The following APPBP2 variants were observed in gnomAD, a reference collection of about 807,000 sequenced individuals.
The protein encoded by APPBP2 is amyloid protein-binding protein 2.
In APPBP2, 15 loss-of-function variants were observed where a neutral mutation model predicts 76.0. The ratio of observed to expected loss-of-function variants is 0.20; its 90% CI spans 0.13 to 0.30. The LOEUF is 0.30. APPBP2 is among the 10% of genes least tolerant of loss of function. The pLI, the probability that APPBP2 is intolerant of heterozygous loss-of-function variation, is 1.00. For synonymous variants in APPBP2, 222 were observed against 242.2 expected (o/e 0.92, Z 0.77); for missense variants, 401 against 687.2 (o/e 0.58, Z 4.66).
chr17:60,456,255 C>T (rs769515457), intron 10 of APPBP2, 41 bp downstream of exon 10: 1 of 1,278,578 alleles, frequency 7.8e-7, no homozygotes, highest in East Asian at 2.3e-5. Flanking sequence ...TACCATATAT[C>T]ATCTATTTTA....
rs957890577 is a variant in APPBP2 at position 60,503,819 on chromosome 17, T to C, written c.139-3332A>G. ...ATTATTCATTTTATCCTTTTACAGATGAGGAAACTGAGTCATATACAGTTA... is the reference window on the plus strand; with the variant it reads ...ATTATTCATTTTATCCTTTTACAGACGAGGAAACTGAGTCATATACAGTTA... On this transcript the variant is annotated intron_variant, in intron 1 of 12. Transcript: ENST00000083182. Among the ~76,000 whole-genome samples the C allele has an allele frequency of 1.3e-5, 2 of 148,278 alleles. 1 individual carries two copies. Among genetic ancestry groups the C allele is most frequent in the African/African-American group, 5.3e-5 (2 of 37,630 alleles).
chr17:60,491,378 G>A (rs1315443095), intron 3 of APPBP2, among the ~76,000 whole-genome samples: 1 of 152,078 alleles, frequency 6.6e-6, no homozygotes, highest in African/African-American at 2.4e-5. Flanking sequence ...CATTTAAGAG[G>A]TGACTGGAGT....
chr17:60,458,457 C>T (rs987574893), intron 9 of APPBP2, among the ~76,000 whole-genome samples: 1 of 150,516 alleles, frequency 6.6e-6, no homozygotes, highest in East Asian at 1.9e-4. Context: ...AAAACAAAAA[C>T]AAAAAAACTT....
intron 1 of APPBP2, among the ~76,000 whole-genome samples, chr17:60,507,168 A>T (rs934349407): frequency 4.6e-5 from 7 of 152,154 alleles, no homozygotes; most frequent in African/African-American, 1.7e-4. Flanking sequence ...CCAAGTAGCA[A>T]AACAGTACCC....
Position 60,479,144 on chromosome 17 carries a change from T to A in APPBP2, c.503+4A>T, listed in dbSNP as rs760464406. ...ACGTAATTACAGGATATGTTCCAACTTACCTCACACAACATTCTACTGCAC... is the reference window on the plus strand; with the variant it reads ...ACGTAATTACAGGATATGTTCCAACATACCTCACACAACATTCTACTGCAC... On this transcript the variant is annotated splice_donor_region_variant and intron_variant, in intron 4 of 12. Coordinates refer to ENST00000083182, the MANE Select transcript of APPBP2 (RefSeq NM_006380.5). 6.2e-7 allele frequency: 1 copy of A among 1,610,020 alleles called. No homozygotes were observed. Among genetic ancestry groups the A allele is most frequent in the African/African-American group, 1.3e-5 (1 of 74,718 alleles).
chr17:60,492,720 A>C (rs921466992), intron 3 of APPBP2, among the ~76,000 whole-genome samples: 2 of 152,212 alleles, frequency 1.3e-5, no homozygotes, highest in African/African-American at 2.4e-5. Flanking sequence ...TATCTAGGAA[A>C]TAACTAACTT....
intron 1 of APPBP2, among the ~76,000 whole-genome samples, chr17:60,523,237 G>A (rs984614616): frequency 1.3e-5 from 2 of 152,048 alleles, no homozygotes; most frequent in African/African-American, 4.8e-5. Context: ...AAGTTGGGCA[G>A]GGGGTGAGTA....
intron 4 of APPBP2, chr17:60,477,459 T>C (rs781549855): frequency 6.6e-6 from 1 of 152,162 alleles, no homozygotes; most frequent in Non-Finnish European, 1.5e-5. Flanking sequence ...CATAGCAATA[T>C]ATAACTAACC....
chr17:60,450,032 A>C (rs1437565137), intron 12 of APPBP2, among the ~76,000 whole-genome samples: 2 of 151,926 alleles, frequency 1.3e-5, no homozygotes, highest in Non-Finnish European at 2.9e-5. Context: ...CCTGACCTCA[A>C]GTGATCCACC....
intron 4 of APPBP2, among the ~76,000 whole-genome samples, chr17:60,468,949 G>T (rs969512393): frequency 1.3e-5 from 2 of 152,062 alleles, no homozygotes; most frequent in Non-Finnish European, 2.9e-5. Flanking sequence ...TTTACCATAA[G>T]ACTGAACATG....
chr17:60,461,488 G>T, intron 8 of APPBP2: 1 of 222,308 alleles, frequency 4.5e-6, no homozygotes, highest in East Asian at 1.1e-4. Context: ...AGCCATCTTT[G>T]TTACTACAAA....
At chr17:60,481,480 A>C (rs2090628110) in intron 3 of APPBP2, among the ~76,000 whole-genome samples, 1 of 152,226 alleles carries the variant, frequency 6.6e-6, no homozygotes, top group Non-Finnish European at 1.5e-5. Flanking sequence ...TAGTGAAATG[A>C]ACTATTCAGA....
intron 4 of APPBP2, among the ~76,000 whole-genome samples, chr17:60,471,201 T>C (rs1598353735): frequency 2.0e-5 from 3 of 152,174 alleles, no homozygotes; most frequent in African/African-American, 4.8e-5. Flanking sequence ...ATTCCATAGG[T>C]TGTCTTTTTA....
chr17:60,518,996 T>C (rs1042393934), intron 1 of APPBP2, among the ~76,000 whole-genome samples: 5 of 152,222 alleles, frequency 3.3e-5, no homozygotes, highest in African/African-American at 1.2e-4. Context: ...TCTCACTGTG[T>C]TGCCCAGGCT....
At position 60,516,752 on chromosome 17, in the gene APPBP2, T is replaced by C. The variant is rs146430185; in HGVS notation, c.138+9042A>G. ...TATGTTTATGTTCAGTTTTAGTAGA[T>C]AATGCTGCTTTTCCAAAATGGCATA... On this transcript the variant is annotated intron_variant, in intron 1 of 12. Transcript: ENST00000083182. Among the ~76,000 whole-genome samples the C allele has an allele frequency of 2.0e-4, 31 of 152,344 alleles. 1 individual carries two copies. Among genetic ancestry groups the C allele is most frequent in the Admixed American group, 2.0e-3 (30 of 15,294 alleles).
intron 4 of APPBP2, among the ~76,000 whole-genome samples, chr17:60,470,790 T>A (rs1307675869): frequency 7.1e-6 from 1 of 141,054 alleles, no homozygotes; most frequent in East Asian, 2.0e-4. Context: ...TTGGCCAGAC[T>A]GGATTTTTTT....
rs2090932391 is a variant in APPBP2, at chr17:60,513,181, C to T, written c.138+12613G>A. ...TGCTACAGTAACCTCATCAGCCTGC[C>T]AAGACAGCAGTGCAAGCGGCCAAGA... On this transcript the variant is annotated intron_variant, in intron 1 of 12. Coordinates refer to ENST00000083182, the MANE Select transcript of APPBP2 (RefSeq NM_006380.5). The T allele has an allele frequency of 8.4e-6, 3 of 357,858 alleles. No individual in the cohort carries two copies. In the East Asian group the frequency reaches 1.9e-4, roughly 22 times the overall value. 22.2% of individuals were successfully genotyped at this position (357,858 alleles called of 1,614,324 possible).
At chr17:60,454,997 T>C (rs942689783) in intron 10 of APPBP2, among the ~76,000 whole-genome samples, 13 of 152,208 alleles carry the variant, frequency 8.5e-5, no homozygotes, top group Admixed American at 6.5e-4. Context: ...TTCAAGACTT[T>C]CAAATTCTAT....
At chr17:60,476,237 C>G (rs2090590231) in intron 4 of APPBP2, among the ~76,000 whole-genome samples, 1 of 152,198 alleles carries the variant, frequency 6.6e-6, no homozygotes, top group African/African-American at 2.4e-5. Flanking sequence ...GGAAGGTTCT[C>G]TGACCTTTGT....
Sources: gnomAD v4.1 joint callset for allele counts (sites outside exome capture counted in the v4.1 genomes callset) on GRCh38, gnomAD v4.1.1 for gene constraint, MANE v1.5 for transcripts, NCBI Gene and HGNC (gene_info 2026-07-23, HGNC 2026-07-21) for gene names.